The following ERP44 variants were observed in gnomAD, a reference collection of about 807,000 sequenced individuals.
The protein encoded by ERP44 is endoplasmic reticulum resident protein 44.
In ERP44, 25 loss-of-function variants were observed where a neutral mutation model predicts 53.4. The ratio of observed to expected loss-of-function variants is 0.47; its 90% CI spans 0.34 to 0.65. The LOEUF (loss-of-function observed/expected upper bound fraction) is 0.65. Ranked by LOEUF, ERP44 falls within the 30% of genes least tolerant of loss-of-function variation. ERP44 has a pLI of 0.01. For missense variants in ERP44, 338 were observed against 493.2 expected (o/e 0.69, Z 2.98); for synonymous variants, 145 against 161.2 (o/e 0.90, Z 0.76).
chr9:99,982,861 A>T (rs762439430), intron 11 of ERP44, 148 bp from the exon 12 acceptor site: 20 of 449,138 alleles, frequency 4.5e-5, no homozygotes, highest in Non-Finnish European at 6.5e-5. Context: ...CAAGATATTT[A>T]AATGTGAAAT....
At chr9:100,079,079 G>C (rs555082886) in intron 1 of ERP44, among the ~76,000 whole-genome samples, 66 of 152,130 alleles carry the variant, frequency 4.3e-4, no homozygotes, top group Non-Finnish European at 6.8e-4. Context: ...TATTAATCTT[G>C]GGTATGTCTG....
intron 1 of ERP44, among the ~76,000 whole-genome samples, chr9:100,080,752 G>A (rs1174993917): frequency 6.6e-6 from 1 of 152,112 alleles, no homozygotes; most frequent in Admixed American, 6.5e-5. Context: ...GGAAGATAAA[G>A]ATGGAAGGTT....
At chr9:100,028,318 T>C (rs1487135069) in intron 4 of ERP44, among the ~76,000 whole-genome samples, 1 of 152,216 alleles carries the variant, frequency 6.6e-6, no homozygotes, top group East Asian at 1.9e-4. Context: ...GCAGAGAACC[T>C]GGTCCCACCA....
At chr9:100,093,647 G>T (rs564870317) in intron 1 of ERP44, among the ~76,000 whole-genome samples, 14 of 151,636 alleles carry the variant, frequency 9.2e-5, no homozygotes, top group African/African-American at 3.4e-4. Flanking sequence ...TGTCTGTGGG[G>T]GGGGAAAAAA....
At chr9:100,026,382 G>A (rs981486944) in intron 4 of ERP44, among the ~76,000 whole-genome samples, 4 of 152,112 alleles carry the variant, frequency 2.6e-5, no homozygotes, top group East Asian at 3.9e-4. Context: ...AGAAAAACAC[G>A]AATTTTTAAG....
At chr9:100,069,578 AGAGT>A (rs1285736190) in intron 1 of ERP44, among the ~76,000 whole-genome samples, 1 of 152,160 alleles carries the variant, frequency 6.6e-6, no homozygotes, top group Non-Finnish European at 1.5e-5. Flanking sequence ...CCTGGGTGAC[AGAGT>A]GAGACTCCAT....
chr9:99,994,623 C>T (rs540365786), intron 10 of ERP44, among the ~76,000 whole-genome samples: 1 of 152,200 alleles, frequency 6.6e-6, no homozygotes, highest in Non-Finnish European at 1.5e-5. Context: ...GCACGTTGTG[C>T]ACATGTACCC....
At chr9:100,011,392 T>C (rs1830474386) in intron 8 of ERP44, among the ~76,000 whole-genome samples, 1 of 152,328 alleles carries the variant, frequency 6.6e-6, no homozygotes, top group Middle Eastern at 3.4e-3. Flanking sequence ...CCAATCTATA[T>C]ATCCAGTATT....
rs189016632 is a variant in ERP44 at position 100,063,135 on chromosome 9, C to A, written c.58-2963G>T. Among the ~76,000 whole-genome samples the A allele has an allele frequency of 2.6e-3, 344 of 130,426 alleles. 4 individuals carry two copies. Among genetic ancestry groups the A allele is most frequent in the Non-Finnish European group, 3.9e-3 (250 of 63,746 alleles). 85.6% of individuals were successfully genotyped at this position (130,426 alleles called of 152,430 possible). ...AATTGATTTTACCTTGAAATACTTA[C>A]ATGGCAAAAATATTTACATGCTAAG... is the stretch of plus-strand genomic sequence containing the variant. On this transcript the variant is annotated intron_variant, in intron 1 of 11. Coordinates refer to ENST00000262455, the MANE Select transcript of ERP44 (RefSeq NM_015051.3).
intron 10 of ERP44, among the ~76,000 whole-genome samples, chr9:99,991,593 CAATT>C (rs1587955034): frequency 6.6e-6 from 1 of 152,086 alleles, no homozygotes; most frequent in African/African-American, 2.4e-5. Flanking sequence ...CCTACCATCA[CAATT>C]AAAATAACTA....
At chr9:100,065,329 C>T (rs1488541871) in intron 1 of ERP44, among the ~76,000 whole-genome samples, 3 of 152,112 alleles carry the variant, frequency 2.0e-5, no homozygotes, top group Non-Finnish European at 2.9e-5. Flanking sequence ...GTGTAGTAGG[C>T]TATACCATCT....
At chr9:100,032,466 G>C (rs770823824) in intron 4 of ERP44, among the ~76,000 whole-genome samples, 5 of 152,016 alleles carry the variant, frequency 3.3e-5, no homozygotes, top group Non-Finnish European at 7.4e-5. Context: ...TGACATATTT[G>C]GCTTATTTGG....
At chr9:100,052,334 A>G (rs1375056598) in intron 4 of ERP44, 83 bp downstream of exon 4, 1 of 639,510 alleles carries the variant, frequency 1.6e-6, no homozygotes, top group East Asian at 3.0e-5. Flanking sequence ...AAAAAAAGAA[A>G]AGAAAAGAAA....
chr9:99,988,333 C>G (rs1830217269), intron 10 of ERP44, among the ~76,000 whole-genome samples: 1 of 152,186 alleles, frequency 6.6e-6, no homozygotes, highest in African/African-American at 2.4e-5. Flanking sequence ...TAAGAACTCT[C>G]TGTGAAACCC....
chr9:100,015,935 T>C (rs1217275741), intron 8 of ERP44, among the ~76,000 whole-genome samples: 2 of 152,092 alleles, frequency 1.3e-5, no homozygotes, highest in Non-Finnish European at 2.9e-5. Context: ...CGTAATGCTC[T>C]CTCGCTGGGC....
chr9:100,068,778 G>A (rs1223646519), intron 1 of ERP44, among the ~76,000 whole-genome samples: 1 of 151,952 alleles, frequency 6.6e-6, no homozygotes, highest in Admixed American at 6.6e-5. Flanking sequence ...CAGCCGCCCC[G>A]TCTGGGAGGT....
At chr9:99,993,940 C>T (rs1830283396) in intron 10 of ERP44, among the ~76,000 whole-genome samples, 1 of 152,196 alleles carries the variant, frequency 6.6e-6, no homozygotes, top group Non-Finnish European at 1.5e-5. Context: ...AAATGCAAAT[C>T]AAAACCACAA....
At chr9:100,038,269 C>G (rs904726964) in intron 4 of ERP44, among the ~76,000 whole-genome samples, 1 of 151,808 alleles carries the variant, frequency 6.6e-6, no homozygotes, top group African/African-American at 2.4e-5. Context: ...AATTAGGGAC[C>G]AATCAAAAAA....
intron 3 of ERP44, among the ~76,000 whole-genome samples, chr9:100,056,731 A>G (rs1360315155): frequency 4.6e-5 from 7 of 152,204 alleles, no homozygotes; most frequent in African/African-American, 1.4e-4. Flanking sequence ...CAGGGGAAAT[A>G]TCATGCCTCA....
Sources: allele counts gnomAD v4.1 joint callset (sites outside exome capture counted in the v4.1 genomes callset), GRCh38; gene constraint gnomAD v4.1.1; transcripts MANE v1.5; gene names NCBI Gene and HGNC (gene_info 2026-07-23, HGNC 2026-07-21).